The following CDC45 variants were observed in gnomAD, a reference collection of about 807,000 sequenced individuals.
CDC45 encodes cell division cycle 45.
In CDC45, 54 loss-of-function variants were observed where a neutral mutation model predicts 77.8. The ratio of observed to expected loss-of-function variants is 0.69; its 90% CI spans 0.56 to 0.87. The LOEUF is 0.87. Ranked by LOEUF, CDC45 falls within the 40% of genes least tolerant of loss-of-function variation. The probability of loss-of-function intolerance (pLI) is 0.00; values close to 1 mark genes in which losing one functional copy is unlikely to be tolerated. For missense variants in CDC45, 649 were observed against 721.6 expected (o/e 0.90, Z 1.15); for synonymous variants, 260 against 272.1 (o/e 0.96, Z 0.44).
At chr22:19,504,145 A>G (rs894828853) in intron 9 of CDC45, among the ~76,000 whole-genome samples, 2 of 152,224 alleles carry the variant, frequency 1.3e-5, no homozygotes, top group African/African-American at 4.8e-5. Context: ...GCAGGTTTGT[A>G]TGCCTGCTGT....
intron 5 of CDC45, among the ~76,000 whole-genome samples, chr22:19,493,042 G>T (rs2090176664): frequency 6.6e-6 from 1 of 152,052 alleles, no homozygotes; most frequent in East Asian, 1.9e-4. Context: ...CCAGACAGAG[G>T]GCTTGGGGTG....
chr22:19,493,605 G>A (rs1198542889), intron 5 of CDC45, among the ~76,000 whole-genome samples: 5 of 151,932 alleles, frequency 3.3e-5, no homozygotes, highest in Admixed American at 1.3e-4. Context: ...CACCACGCCC[G>A]GCTAATTTTT....
chr22:19,515,333 G>A (rs1272152062), intron 15 of CDC45, among the ~76,000 whole-genome samples: 1 of 152,162 alleles, frequency 6.6e-6, no homozygotes, highest in Non-Finnish European at 1.5e-5. Context: ...ATTGTTGCAG[G>A]TCAGGGAAAG....
chr22:19,482,647 C>T (rs1189512659), intron 3 of CDC45, 43 bp from the exon 4 acceptor site: 41 of 1,594,396 alleles, frequency 2.6e-5, no homozygotes, highest in Non-Finnish European at 3.3e-5. Flanking sequence ...GGAAAAGGGG[C>T]CTCCTCGATA....
chr22:19,508,461 G>A (rs957170554), intron 12 of CDC45, 69 bp from the exon 13 acceptor site: 2 of 1,539,502 alleles, frequency 1.3e-6, no homozygotes, highest in African/African-American at 1.4e-5. Flanking sequence ...TAGCACATCT[G>A]TTGGCCTGCC....
chr22:19,479,886 G>A (rs1302581294), upstream of CDC45: 1 of 1,378,976 alleles, frequency 7.3e-7, no homozygotes, highest in African/African-American at 1.4e-5. Context: ...CCAATCGGAG[G>A]AGCCGTGATT....
chr22:19,485,490 G>A (rs190562530), intron 5 of CDC45, among the ~76,000 whole-genome samples: 4 of 152,290 alleles, frequency 2.6e-5, no homozygotes. Flanking sequence ...GCTCTGAGGT[G>A]GGAAGGAAAG....
chr22:19,499,708 G>A (rs1175184505), intron 9 of CDC45, among the ~76,000 whole-genome samples: 1 of 152,214 alleles, frequency 6.6e-6, no homozygotes, highest in Non-Finnish European at 1.5e-5. Flanking sequence ...GATGCTGCAG[G>A]GCGAAGTGGG....
chr22:19,482,015 A>G (rs564501803), intron 3 of CDC45, among the ~76,000 whole-genome samples: 2 of 152,354 alleles, frequency 1.3e-5, no homozygotes, highest in African/African-American at 2.4e-5. Context: ...CTGGTTTCCA[A>G]CTTAAAATCC....
chr22:19,516,991 T>A, intron 17 of CDC45, 98 bp downstream of exon 17: 3 of 1,007,754 alleles, frequency 3.0e-6, no homozygotes, highest in Non-Finnish European at 4.6e-6. Flanking sequence ...TGGAGGAGCC[T>A]GGCCAGCAGC....
In CDC45 at chr22:19,507,920, A is replaced by G; in HGVS notation, c.1055+56A>G. ...ATTACATCCAGGTTCATTAAAGTGA[A>G]GGGTTCTACTTTAACTGTGCTCCTA... On this transcript the variant is annotated intron_variant, in intron 12 of 18. Transcript: ENST00000263201. 2.5e-6 allele frequency: 3 copies of G among 1,214,886 alleles called. No homozygotes were observed. The South Asian group carries it at 3.9e-5, about 16-fold the overall frequency. The allele number at this position is 1,214,886 out of a possible 1,614,324, so 75.3% of individuals were successfully genotyped here. A position where few individuals can be genotyped will look rare whatever the true frequency, so the allele number is the denominator to read the frequency against.
At chr22:19,488,095 G>A (rs1463117664) in intron 5 of CDC45, among the ~76,000 whole-genome samples, 1 of 152,124 alleles carries the variant, frequency 6.6e-6, no homozygotes, top group Non-Finnish European at 1.5e-5. Flanking sequence ...CGTGGCTCAG[G>A]TCACGGGTTT....
At chr22:19,503,056 A>G (rs557322809) in intron 9 of CDC45, among the ~76,000 whole-genome samples, 14 of 152,144 alleles carry the variant, frequency 9.2e-5, no homozygotes, top group South Asian at 4.1e-4. Flanking sequence ...GGTCCCAGCT[A>G]CTTGGGAGGC....
chr22:19,492,058 G>A (rs1226230932), intron 5 of CDC45, among the ~76,000 whole-genome samples: 3 of 151,948 alleles, frequency 2.0e-5, no homozygotes, highest in African/African-American at 2.4e-5. Context: ...TGCCCGCCTC[G>A]GCCTCCCAAA....
At chr22:19,491,372 C>A (rs767261785) in intron 5 of CDC45, among the ~76,000 whole-genome samples, 1 of 151,106 alleles carries the variant, frequency 6.6e-6, no homozygotes, top group Non-Finnish European at 1.5e-5. Context: ...TTTAACCGTT[C>A]CTTTGGGGGA....
intron 5 of CDC45, among the ~76,000 whole-genome samples, chr22:19,487,387 A>G (rs1294871621): frequency 5.9e-5 from 9 of 151,962 alleles, no homozygotes; most frequent in African/African-American, 1.9e-4. Context: ...TTAGCCAGGC[A>G]TGGTAGCATG....
intron 3 of CDC45, among the ~76,000 whole-genome samples, chr22:19,481,300 TG>T (rs2089978664): frequency 6.6e-6 from 1 of 152,260 alleles, no homozygotes; most frequent in Non-Finnish European, 1.5e-5. Context: ...TGCAGAAATT[TG>T]ATTGTAAGGT....
chr22:19,482,952 G>A (rs879117593), intron 4 of CDC45, 125 bp downstream of exon 4: 2 of 726,436 alleles, frequency 2.8e-6, no homozygotes, highest in African/African-American at 1.8e-5. Flanking sequence ...CTGAACACAA[G>A]AACTTGGTCT....
chr22:19,506,963 A>G (rs1206001621), intron 10 of CDC45, among the ~76,000 whole-genome samples: 1 of 149,596 alleles, frequency 6.7e-6, no homozygotes, highest in Non-Finnish European at 1.5e-5. Flanking sequence ...AGGGCTGAGG[A>G]TGGGGGCGCT....
Sources: gnomAD v4.1 joint callset for allele counts (sites outside exome capture counted in the v4.1 genomes callset) on GRCh38, gnomAD v4.1.1 for gene constraint, MANE v1.5 for transcripts, NCBI Gene and HGNC (gene_info 2026-07-23, HGNC 2026-07-21) for gene names.